TPTE2: variants seen among roughly 807,000 people sequenced by gnomAD.
The protein encoded by TPTE2 is phosphatidylinositol 3,4,5-trisphosphate 3-phosphatase TPTE2.
Under a neutral mutation model 78.6 loss-of-function variants are expected in TPTE2, and 53 were observed. The ratio of observed to expected loss-of-function variants is 0.67; its 90% CI spans 0.54 to 0.85. TPTE2 has a LOEUF of 0.85. TPTE2 is among the 40% of genes least tolerant of loss of function. The pLI is 0.00. For missense variants in TPTE2, 461 were observed against 623.0 expected (o/e 0.74, Z 2.77); for synonymous variants, 175 against 206.2 (o/e 0.85, Z 1.30).
intron 3 of TPTE2, among the ~76,000 whole-genome samples, chr13:19,487,514 A>C (rs551875948): frequency 6.6e-6 from 1 of 152,124 alleles, no homozygotes; most frequent in Admixed American, 6.5e-5. Flanking sequence ...GAGGGCTTGC[A>C]GTGGTTTGGC....
intron 1 of TPTE2, among the ~76,000 whole-genome samples, chr13:19,499,031 A>C: frequency 6.6e-6 from 1 of 152,100 alleles, no homozygotes; most frequent in East Asian, 1.9e-4. Context: ...TTAAACCAAC[A>C]AAGATCAAAA....
chr13:19,467,504 C>A (rs1456038700), intron 6 of TPTE2, among the ~76,000 whole-genome samples, 160 bp from the exon 10 acceptor site: 2 of 152,014 alleles, frequency 1.3e-5, no homozygotes, highest in African/African-American at 4.8e-5. Context: ...AAAAACATAA[C>A]ATTCATGGGA....
At chr13:19,505,190 G>C (rs1245883444), upstream of TPTE2, among the ~76,000 whole-genome samples, 2 of 151,996 alleles carry the variant, frequency 1.3e-5, no homozygotes, top group East Asian at 3.9e-4. Context: ...ATCGAGGCTG[G>C]AGTGCAGTGA....
chr13:19,498,303 C>T (rs1193824188), intron 1 of TPTE2, among the ~76,000 whole-genome samples: 1 of 150,830 alleles, frequency 6.6e-6, no homozygotes, highest in African/African-American at 2.4e-5. Flanking sequence ...GAGAACGCCA[C>T]AAAGATACTC....
chr13:19,464,190 C>T (rs115226626), intron 10 of TPTE2, among the ~76,000 whole-genome samples: 3,726 of 152,272 alleles, frequency 0.024, 116 homozygotes, highest in African/African-American at 0.071. Flanking sequence ...TTTCTGCAAG[C>T]ACCTGAATTG....
intron 1 of TPTE2, among the ~76,000 whole-genome samples, chr13:19,508,907 C>T (rs1049396366): frequency 9.7e-5 from 14 of 144,532 alleles, no homozygotes; most frequent in East Asian, 5.8e-4. Context: ...CATAGCTCTC[C>T]GTACCATAAA....
intron 9 of TPTE2, 109 bp from the exon 13 acceptor site, chr13:19,464,629 T>G (rs879581283): frequency 1.6e-5 from 19 of 1,218,232 alleles, no homozygotes; most frequent in Non-Finnish European, 2.2e-5. Context: ...AAAAAACTTT[T>G]AAAATTGAGG....
At chr13:19,511,215 T>A (rs1869417187) in intron 1 of TPTE2, among the ~76,000 whole-genome samples, 1 of 152,222 alleles carries the variant, frequency 6.6e-6, no homozygotes, top group Non-Finnish European at 1.5e-5. Flanking sequence ...AATATATGTG[T>A]TCCTCACTAG....
chr13:19,436,418 T>C, intron 14 of TPTE2, 112 bp from the exon 18 acceptor site: 1 of 1,054,152 alleles, frequency 9.5e-7, no homozygotes, highest in Non-Finnish European at 1.4e-6. Context: ...AGTGATTTTG[T>C]TTGTTTGTTT....
chr13:19,482,088 C>A (rs907509130), intron 4 of TPTE2, among the ~76,000 whole-genome samples: 2 of 152,028 alleles, frequency 1.3e-5, no homozygotes, highest in Non-Finnish European at 2.9e-5. Context: ...AACATGTTTG[C>A]TTTTGCTATC....
At chr13:19,547,740 T>TATATATATATATATATATGC in the TPTE2 span, among the ~76,000 whole-genome samples, 2 of 143,920 alleles carry the variant, frequency 1.4e-5, no homozygotes, top group African/African-American at 5.1e-5. Flanking sequence ...TATATATATA[T>TATATATATATATATATATGC]GCATACTGCA....
chr13:19,548,126 T>C, the TPTE2 span, among the ~76,000 whole-genome samples: 1 of 152,196 alleles, frequency 6.6e-6, no homozygotes, highest in Admixed American at 6.5e-5. Context: ...TTTTAAAATA[T>C]GGTACAACAA....
rs55904352 is a variant in TPTE2 at position 19,427,079 on chromosome 13, C to CTTTTTTTTTTTTTTTTTTTTTTT, written c.1303-585_1303-563dup. 7.1e-4 allele frequency among the ~76,000 whole-genome samples: 48 copies of CTTTTTTTTTTTTTTTTTTTTTTT among 67,298 alleles called. 1 individual carries two copies. Among genetic ancestry groups the CTTTTTTTTTTTTTTTTTTTTTTT allele is most frequent in the African/African-American group, 1.1e-3 (17 of 15,526 alleles). The allele number at this position is 67,298 out of a possible 152,430, so 44.2% of individuals were successfully genotyped here. A position where few individuals can be genotyped will look rare whatever the true frequency, so the allele number is the denominator to read the frequency against. Reference sequence around the variant, plus strand: ...CTTTTCTTTTTTTTTCTTTTCTTTTCTTTTTTTTTTTTTTTTTTTTTTTGA... The same window carrying CTTTTTTTTTTTTTTTTTTTTTTT: ...CTTTTCTTTTTTTTTCTTTTCTTTTCTTTTTTTTTTTTTTTTTTTTTTTTTTTTTTTTTTTTTTTTTTTTTTGA... On this transcript the variant is annotated intron_variant, in intron 17 of 19. Transcript: ENST00000400230.
intron 3 of TPTE2, among the ~76,000 whole-genome samples, chr13:19,484,884 TGA>T (rs1214617978): frequency 6.6e-6 from 1 of 152,180 alleles, no homozygotes; most frequent in African/African-American, 2.4e-5. Flanking sequence ...ACCGGTAAGA[TGA>T]GTTTCTTTTA....
At chr13:19,552,178 C>A in the TPTE2 span, among the ~76,000 whole-genome samples, 2 of 152,152 alleles carry the variant, frequency 1.3e-5, no homozygotes, top group Non-Finnish European at 2.9e-5. Flanking sequence ...CTAAAGGACA[C>A]CAGTGTGAGA....
chr13:19,482,087 G>A (rs1049315941), intron 4 of TPTE2, among the ~76,000 whole-genome samples: 2 of 152,074 alleles, frequency 1.3e-5, no homozygotes, highest in African/African-American at 4.8e-5. Flanking sequence ...AAACATGTTT[G>A]CTTTTGCTAT....
At chr13:19,430,483 T>G (rs576667390) in exon 17 of TPTE2, 1 of 1,610,906 alleles carries the variant, frequency 6.2e-7, no homozygotes, top group Non-Finnish European at 8.5e-7. Context: ...AATTTCCTAA[T>G]GAAGTACTGG....
At chr13:19,438,316 A>G (rs1416853185) in intron 13 of TPTE2, 163 bp from the exon 17 acceptor site, 1 of 985,238 alleles carries the variant, frequency 1.0e-6, no homozygotes, top group East Asian at 1.1e-4. Context: ...GGCTCATTGC[A>G]ACCTCCGCCT....
chr13:19,441,919 T>C (rs1877526250), intron 13 of TPTE2, among the ~76,000 whole-genome samples: 1 of 152,056 alleles, frequency 6.6e-6, no homozygotes, highest in African/African-American at 2.4e-5. Context: ...AATAGCTAAA[T>C]CAAGGATGCA....
Sources: gnomAD v4.1 joint callset for allele counts (sites outside exome capture counted in the v4.1 genomes callset) on GRCh38, gnomAD v4.1.1 for gene constraint, MANE v1.5 for transcripts, NCBI Gene and HGNC (gene_info 2026-07-23, HGNC 2026-07-21) for gene names.